ADAMTSL3: variants seen among roughly 807,000 people sequenced by gnomAD.
ADAMTSL3 encodes ADAMTS-like protein 3.
Under a neutral mutation model 201.7 loss-of-function variants are expected in ADAMTSL3, and 128 were observed. That is an observed-to-expected ratio of 0.63 (90% confidence interval 0.55 to 0.73). The LOEUF is 0.73. Ranked by LOEUF, ADAMTSL3 falls within the 30% of genes least tolerant of loss-of-function variation. The pLI, the probability that ADAMTSL3 is intolerant of heterozygous loss-of-function variation, is 0.00. For missense variants in ADAMTSL3, 1,990 were observed against 2,119.6 expected, an observed-to-expected ratio of 0.94 and a Z score of 1.20; for synonymous variants, 738 against 748.4, an observed-to-expected ratio of 0.99 and a Z score of 0.23.
intron 9 of ADAMTSL3, among the ~76,000 whole-genome samples, chr15:83,872,443 T>C (rs1450278482): frequency 2.0e-5 from 3 of 152,170 alleles, no homozygotes; most frequent in Non-Finnish European, 2.9e-5. Context: ...GATCCAATAG[T>C]CTTCTTAGAC....
chr15:83,664,738 G>T (rs1184279979), intron 2 of ADAMTSL3, among the ~76,000 whole-genome samples: 1 of 152,204 alleles, frequency 6.6e-6, no homozygotes, highest in African/African-American at 2.4e-5. Flanking sequence ...CGAGCACCTT[G>T]GGAGACCAAG....
intron 6 of ADAMTSL3, among the ~76,000 whole-genome samples, chr15:83,826,384 C>A (rs966246720): frequency 2.0e-5 from 3 of 151,396 alleles, no homozygotes; most frequent in African/African-American, 7.3e-5. Flanking sequence ...TGGCCCCTCA[C>A]AACACTGGGG....
chr15:83,707,474 G>A (rs1003056975), intron 3 of ADAMTSL3, among the ~76,000 whole-genome samples: 4 of 152,034 alleles, frequency 2.6e-5, no homozygotes, highest in Non-Finnish European at 5.9e-5. Flanking sequence ...TAAGTAAAAC[G>A]CATACATATC....
chr15:83,741,201 T>G, intron 3 of ADAMTSL3, among the ~76,000 whole-genome samples: 1 of 150,750 alleles, frequency 6.6e-6, no homozygotes, highest in East Asian at 1.9e-4. Flanking sequence ...TAGCAATTAG[T>G]TAATATTATA....
chr15:83,708,905 A>C (rs2061893055), intron 3 of ADAMTSL3, among the ~76,000 whole-genome samples: 1 of 152,222 alleles, frequency 6.6e-6, no homozygotes, highest in South Asian at 2.1e-4. Flanking sequence ...CCAAATGTGC[A>C]AATGACTTAC....
At chr15:83,813,001 A>G (rs552801745) in intron 5 of ADAMTSL3, among the ~76,000 whole-genome samples, 265 of 152,306 alleles carry the variant, frequency 1.7e-3, no homozygotes, top group Non-Finnish European at 3.1e-3. Flanking sequence ...ACTCTACTAC[A>G]CTGTACAAGA....
chr15:83,945,274 G>A (rs948404071), intron 19 of ADAMTSL3, among the ~76,000 whole-genome samples: 3 of 152,144 alleles, frequency 2.0e-5, no homozygotes, highest in African/African-American at 7.2e-5. Context: ...TCAATGACTT[G>A]AGGGACAGGA....
chr15:84,014,733 C>A lies in ADAMTSL3; in HGVS notation c.4156+9C>A. ...TGTACTCCACTTGCTGGGTAAGTGTCAAATTCTTATTGCTCCTTAAGTGCC... is the reference window on the plus strand; with the variant it reads ...TGTACTCCACTTGCTGGGTAAGTGTAAAATTCTTATTGCTCCTTAAGTGCC... On this transcript the variant is annotated intron_variant, in intron 24 of 29. Transcript: ENST00000286744. The A allele has an allele frequency of 6.2e-7, 1 of 1,603,666 alleles. No homozygotes were observed. The highest frequency in any genetic ancestry group is 1.1e-5 in the South Asian group (1 of 89,120).
At chr15:83,663,114 A>G (rs906672132) in intron 2 of ADAMTSL3, among the ~76,000 whole-genome samples, 1 of 152,136 alleles carries the variant, frequency 6.6e-6, no homozygotes, top group Non-Finnish European at 1.5e-5. Context: ...TAGGAAATGC[A>G]TGCTTCTTAC....
intron 3 of ADAMTSL3, among the ~76,000 whole-genome samples, chr15:83,714,100 T>G (rs763846333): frequency 1.3e-5 from 2 of 152,230 alleles, no homozygotes; most frequent in Non-Finnish European, 2.9e-5. Context: ...TAGTTACCTT[T>G]GGTAGTACTC....
Position 83,793,938 on chromosome 15 carries a change from T to C in ADAMTSL3, c.318-10712T>C, listed in dbSNP as rs1264698539. On this transcript the variant is annotated intron_variant, in intron 4 of 29. Transcript: ENST00000286744. ...TCACCTAACAAAGGACTAGTATCTC[T>C]ATTAAGAACTCTCAAATATCAACAA... is the stretch of plus-strand genomic sequence containing the variant. 2.6e-5 allele frequency among the ~76,000 whole-genome samples: 4 copies of C among 152,216 alleles called. No homozygotes were observed. In the East Asian group the frequency reaches 5.8e-4, roughly 22 times the overall value.
chr15:83,903,096 C>T (rs1417703670), intron 15 of ADAMTSL3, among the ~76,000 whole-genome samples: 1 of 151,924 alleles, frequency 6.6e-6, no homozygotes, highest in Non-Finnish European at 1.5e-5. Flanking sequence ...ATCAAAATAC[C>T]ATTTTTGAAA....
intron 2 of ADAMTSL3, among the ~76,000 whole-genome samples, chr15:83,676,082 T>C (rs1336529566): frequency 6.6e-6 from 1 of 152,144 alleles, no homozygotes; most frequent in Non-Finnish European, 1.5e-5. Flanking sequence ...CTGTTGTTTT[T>C]CTGTTTTCTA....
chr15:83,830,011 G>C (rs1275522707), intron 6 of ADAMTSL3, among the ~76,000 whole-genome samples: 3 of 152,162 alleles, frequency 2.0e-5, no homozygotes, highest in Non-Finnish European at 4.4e-5. Flanking sequence ...CTGTTGATTT[G>C]GGATGGAGAG....
intron 20 of ADAMTSL3, among the ~76,000 whole-genome samples, chr15:83,974,605 C>A (rs1008729092): frequency 6.6e-6 from 1 of 152,044 alleles, no homozygotes; most frequent in Non-Finnish European, 1.5e-5. Flanking sequence ...TCTATATAAT[C>A]CCCCAACATG....
At chr15:84,032,358 T>G (rs1014542748) in intron 28 of ADAMTSL3, among the ~76,000 whole-genome samples, 106 of 152,322 alleles carry the variant, frequency 7.0e-4, no homozygotes, top group African/African-American at 2.5e-3. Flanking sequence ...CAGTAAGGTT[T>G]GGCAATGTAG....
intron 13 of ADAMTSL3, among the ~76,000 whole-genome samples, chr15:83,894,349 C>T (rs1330413968): frequency 6.6e-6 from 1 of 152,130 alleles, no homozygotes; most frequent in African/African-American, 2.4e-5. Flanking sequence ...TAGAGAATTA[C>T]GTATTTCTTC....
intron 4 of ADAMTSL3, among the ~76,000 whole-genome samples, chr15:83,782,322 C>G (rs184639744): frequency 2.0e-5 from 3 of 151,930 alleles, no homozygotes; most frequent in Non-Finnish European, 4.4e-5. Flanking sequence ...ACTAAAAATA[C>G]AAAAATTAGC....
At chr15:83,683,993 G>A (rs2061507707) in intron 2 of ADAMTSL3, among the ~76,000 whole-genome samples, 1 of 152,024 alleles carries the variant, frequency 6.6e-6, no homozygotes, top group Non-Finnish European at 1.5e-5. Context: ...TAGTATTTTA[G>A]GCCATACATA....
Sources: gnomAD v4.1 joint callset for allele counts (sites outside exome capture counted in the v4.1 genomes callset) on GRCh38, gnomAD v4.1.1 for gene constraint, MANE v1.5 for transcripts, NCBI Gene and HGNC (gene_info 2026-07-23, HGNC 2026-07-21) for gene names.